The following GPRIN1 variants were observed in gnomAD, a reference collection of about 807,000 sequenced individuals.
The protein encoded by GPRIN1 is G protein-regulated inducer of neurite outgrowth 1.
In GPRIN1, 4 loss-of-function variants were observed where a neutral mutation model predicts 2.8. That is an observed-to-expected ratio of 1.45 (90% CI 0.71 to 3.32). The LOEUF is 3.32. Among genes scored for constraint, GPRIN1 ranks in the 30% most tolerant of loss-of-function variants. The pLI is 0.01. For synonymous variants in GPRIN1, 589 were observed against 589.9 expected (o/e 1.00, Z 0.02); for missense variants, 1,322 against 1,343.4 (o/e 0.98, Z 0.25).
At chr5:176,604,009 G>A (rs887804982) in intron 1 of GPRIN1, among the ~76,000 whole-genome samples, 1 of 152,182 alleles carries the variant, frequency 6.6e-6, no homozygotes, top group Non-Finnish European at 1.5e-5. Flanking sequence ...GGCCAATTAG[G>A]AATCATTCCA....
chr5:176,598,827 G>C lies in GPRIN1; in HGVS notation c.1008C>G (p.Thr336=), dbSNP rs374266295. ...GCCTTCCCAAGGACCCAGGAGCCCCGGTCCCAGAGGATACAGGCCCATTCT... is the reference window on the plus strand; with the variant it reads ...GCCTTCCCAAGGACCCAGGAGCCCCCGTCCCAGAGGATACAGGCCCATTCT... The part of the protein sequence containing the change: ...SGKNGPVSSG[T]GAPGSLGRLD... Residue 336 remains threonine (T), a synonymous_variant, in exon 2 of 2, where the codon ACC becomes ACG. Coordinates refer to ENST00000303991, the MANE Select transcript of GPRIN1 (RefSeq NM_052899.3). 1.2e-6 allele frequency: 2 copies of C among 1,613,176 alleles called. No homozygotes were observed. The highest frequency in any genetic ancestry group is 2.7e-5 in the African/African-American group (2 of 74,686).
chr5:176,607,901 C>CT (rs1304388285), intron 1 of GPRIN1, among the ~76,000 whole-genome samples: 3 of 95,908 alleles, frequency 3.1e-5, no homozygotes, highest in Admixed American at 1.3e-4. Flanking sequence ...TGACACTTGG[C>CT]TCTTTTTTTT....
At chr5:176,605,042 A>G (rs1759203709) in intron 1 of GPRIN1, among the ~76,000 whole-genome samples, 1 of 151,258 alleles carries the variant, frequency 6.6e-6, no homozygotes, top group African/African-American at 2.4e-5. Context: ...ATGGATATCC[A>G]TGTTTTAAAT....
In GPRIN1 at chr5:176,599,339, T is replaced by G; in HGVS notation, c.496A>C (p.Ile166Leu). 2 of 1,614,214 alleles carry G rather than the reference T, an allele frequency of 1.2e-6. No homozygotes were observed. Among genetic ancestry groups the G allele is most frequent in the Non-Finnish European group, 1.7e-6 (2 of 1,180,028 alleles). ...KSSKQADSTSIGKEDPGSSRK... is the reference protein window; with the variant it reads ...KSSKQADSTSLGKEDPGSSRK... Reference sequence around the variant, plus strand: ...GAGGACCCAGGATCCTCCTTTCCTATGGAAGTGGAATCGGCCTGCTTTGAG... The same window carrying G: ...GAGGACCCAGGATCCTCCTTTCCTAGGGAAGTGGAATCGGCCTGCTTTGAG... The change falls in exon 2 of 2, where the codon ATA becomes CTA. Residue 166 changes from isoleucine (I) to leucine (L), a missense_variant. This residue lies in a region of GPRIN1 where 1,117 missense variants were observed against 1,128.6 expected (regional missense o/e 0.99). Transcript: ENST00000303991.
intron 1 of GPRIN1, among the ~76,000 whole-genome samples, chr5:176,608,351 G>A (rs1759256093): frequency 1.3e-5 from 2 of 152,264 alleles, no homozygotes; most frequent in Non-Finnish European, 2.9e-5. Flanking sequence ...TCCCCCACCT[G>A]TGGGAACGCA....
At position 176,598,736 on chromosome 5, in the gene GPRIN1, T is replaced by C. The variant is rs1360095302; in HGVS notation, c.1099A>G (p.Thr367Ala). Residue 367 changes from threonine to alanine, a missense_variant, in exon 2 of 2, where the codon ACA becomes GCA. Coordinates refer to ENST00000303991, the MANE Select transcript of GPRIN1 (RefSeq NM_052899.3). ...CCCAGGAACCGGGAGTCCTCTTTTG[T>C]GGCAGGCACAGTTTCTACATTTCCC... ...SVGNVETVPA[T>A]KEDSRFLGKM... is the part of the protein sequence containing the mutation. The C allele has an allele frequency of 1.2e-6, 2 of 1,613,648 alleles. No individual in the cohort carries two copies. Among genetic ancestry groups the C allele is most frequent in the Non-Finnish European group, 1.7e-6 (2 of 1,180,038 alleles).
intron 1 of GPRIN1, among the ~76,000 whole-genome samples, chr5:176,600,338 G>C (rs145122569): frequency 0.023 from 3,537 of 152,088 alleles, 141 homozygotes; most frequent in African/African-American, 0.08. Context: ...CCCGACCTCA[G>C]GTGATCCGCC....
Position 176,597,677 on chromosome 5 carries a change from G to A in GPRIN1, c.2158C>T (p.Pro720Ser), listed in dbSNP as rs756770885. 1.9e-6 allele frequency: 3 copies of A among 1,595,306 alleles called. No homozygotes were observed. In the South Asian group the frequency reaches 3.3e-5, roughly 18 times the overall value. The change falls in exon 2 of 2, where the codon CCG (proline) becomes TCG (serine). Residue 720 changes from proline to serine, a missense_variant. Physicochemically the swap from Pro to Ser is moderately conservative, Grantham distance 74. Coordinates refer to ENST00000303991, the MANE Select transcript of GPRIN1 (RefSeq NM_052899.3). The surrounding 1 kb of genome is among the most constrained non-coding windows in gnomAD (Gnocchi z 6.1). ...VVPLSLEKTK[P>S]SSSSRQLDRK... ...TCTAACTGCCTGGAGGAGGAGGACG[G>A]CTTGGTCTTCTCCAGACTCAGGGGG... is the stretch of plus-strand genomic sequence containing the variant.
rs1433567373 is a variant in GPRIN1 at position 176,599,346 on chromosome 5, G to A, written c.489C>T (p.Ser163=). ...MDFKSSKQAD[S]TSIGKEDPGS... ...CAGGATCCTCCTTTCCTATGGAAGT[G>A]GAATCGGCCTGCTTTGAGGACTTGA... Residue 163 remains serine, a synonymous_variant, in exon 2 of 2, where the codon TCC becomes TCT. Transcript: ENST00000303991. 2 of 1,614,204 alleles carry A rather than the reference G, an allele frequency of 1.2e-6. No homozygotes were observed. Among genetic ancestry groups the A allele is most frequent in the Admixed American group, 3.3e-5 (2 of 60,022 alleles).
In GPRIN1 at chr5:176,598,286, C is replaced by G. The variant is rs148346330; in HGVS notation, c.1549G>C (p.Gly517Arg). 1 of 1,613,636 alleles carries G rather than the reference C, an allele frequency of 6.2e-7. No individual in the cohort carries two copies. Among genetic ancestry groups the G allele is most frequent in the African/African-American group, 1.3e-5 (1 of 74,932 alleles). Reference protein sequence around the residue: ...SAVKAEPATGGKGDPLSSEKA... With the variant: ...SAVKAEPATGRKGDPLSSEKA... ...TCCGAGGACAGGGGATCTCCTTTTC[C>G]CCCCGTCGCTGGCTCAGCCTTTACT... Residue 517 changes from glycine to arginine, a missense_variant, in exon 2 of 2, where the codon GGA becomes CGA. Transcript: ENST00000303991.
chr5:176,607,507 C>A (rs1178979803), intron 1 of GPRIN1, among the ~76,000 whole-genome samples: 1 of 152,170 alleles, frequency 6.6e-6, no homozygotes, highest in Non-Finnish European at 1.5e-5. Context: ...CGACACCTGG[C>A]TAATTTTTGT....
rs1759063836 is a variant in GPRIN1, at chr5:176,597,516, G to A, written c.2319C>T (p.Ala773=). The A allele has an allele frequency of 1.4e-6, 2 of 1,476,770 alleles. No homozygotes were observed. Among genetic ancestry groups the A allele is most frequent in the South Asian group, 1.3e-5 (1 of 79,018 alleles). 91.5% of individuals were successfully genotyped at this position (1,476,770 alleles called of 1,614,324 possible). ...LGQKDLEAAG[A]ERSPCPEAAA... is the part of the protein sequence containing the mutation. ...CGGCCTCTGGGCAGGGGCTTCTCTC[G>A]GCCCCAGCGGCTTCCAGGTCTTTCT... The change falls in exon 2 of 2, where the codon GCC becomes GCT. Residue 773 remains alanine, a synonymous_variant. Coordinates refer to ENST00000303991, the MANE Select transcript of GPRIN1 (RefSeq NM_052899.3). This position sits in a 1 kb window ranked among gnomAD's most constrained non-coding sequence, Gnocchi z 6.1.
chr5:176,609,024 C>G (rs1759268179), intron 1 of GPRIN1, among the ~76,000 whole-genome samples: 1 of 152,224 alleles, frequency 6.6e-6, no homozygotes, highest in Non-Finnish European at 1.5e-5. Flanking sequence ...GTTAGCCAGA[C>G]CTGCTTCCAG....
At position 176,596,684 on chromosome 5, in the gene GPRIN1, A is replaced by G; in HGVS notation, c.*124T>C. 1 of 748,260 alleles carries G rather than the reference A, an allele frequency of 1.3e-6. No homozygotes were observed. Among genetic ancestry groups the G allele is most frequent in the Non-Finnish European group, 1.8e-6 (1 of 556,952 alleles). The allele number at this position is 748,260 out of a possible 1,614,324, so 46.4% of individuals were successfully genotyped here. On this transcript the variant is annotated 3_prime_UTR_variant, in exon 2 of 2. Transcript: ENST00000303991. The surrounding 1 kb of genome is among the most constrained non-coding windows in gnomAD (Gnocchi z 5.2). ...GGGGCTGGAAAGACGGGGACGCAAC[A>G]GCCCTAGAGGCTGCACAACCCCTCG...
intron 1 of GPRIN1, among the ~76,000 whole-genome samples, chr5:176,609,752 G>A (rs1377774131): frequency 5.3e-5 from 8 of 151,614 alleles, no homozygotes; most frequent in Non-Finnish European, 7.4e-5. Context: ...TCTGATGTTC[G>A]GCCCAGGGCT....
In GPRIN1 at chr5:176,599,781, G is replaced by T; in HGVS notation, c.54C>A (p.Ser18Arg). ...AGGCTGTGGGTCGGGGTCCTGGGGGGCTGGAATCCTTTTGAAGCAGCTGGA... is the reference window on the plus strand; with the variant it reads ...AGGCTGTGGGTCGGGGTCCTGGGGGTCTGGAATCCTTTTGAAGCAGCTGGA... ...AWLQLLQKDS[S>R]PPGPRPTAFF... Residue 18 changes from serine to arginine, a missense_variant, in exon 2 of 2, where the codon AGC becomes AGA. Coordinates refer to ENST00000303991, the MANE Select transcript of GPRIN1 (RefSeq NM_052899.3). 1 of 1,510,482 alleles carries T rather than the reference G, an allele frequency of 6.6e-7. No homozygotes were observed. Among genetic ancestry groups the T allele is most frequent in the South Asian group, 1.3e-5 (1 of 74,562 alleles). 93.6% of individuals were successfully genotyped at this position (1,510,482 alleles called of 1,614,324 possible).
At chr5:176,605,685 T>C (rs896367873) in intron 1 of GPRIN1, among the ~76,000 whole-genome samples, 8 of 148,550 alleles carry the variant, frequency 5.4e-5, no homozygotes, top group Admixed American at 2.7e-4. Context: ...ATTAGCCAGG[T>C]GTGGTGGCAT....
At chr5:176,607,912 T>A (rs1292964755) in intron 1 of GPRIN1, among the ~76,000 whole-genome samples, 1 of 31,658 alleles carries the variant, frequency 3.2e-5, no homozygotes, top group South Asian at 2.6e-3. Flanking sequence ...TCTTTTTTTT[T>A]TTTTTTTTTT....
chr5:176,603,213 C>G (rs1343104405), intron 1 of GPRIN1, among the ~76,000 whole-genome samples: 1 of 152,028 alleles, frequency 6.6e-6, no homozygotes, highest in African/African-American at 2.4e-5. Context: ...CTTTCATTAC[C>G]CACTCCCACC....
Sources: gnomAD v4.1 joint callset for allele counts (sites outside exome capture counted in the v4.1 genomes callset) on GRCh38, gnomAD v4.1.1 for gene constraint, gnomAD v4.1.1 regional missense constraint, Gnocchi (gnomAD v3.1) non-coding constraint, MANE v1.5 for transcripts, NCBI Gene and HGNC (gene_info 2026-07-23, HGNC 2026-07-21) for gene names.